The following ZRANB3 variants were observed in gnomAD, a reference collection of about 807,000 sequenced individuals.
ZRANB3 encodes DNA annealing helicase and endonuclease ZRANB3.
In ZRANB3, 125 loss-of-function variants were observed where a neutral mutation model predicts 133.8. The observed-to-expected ratio is 0.93, with a 90% confidence interval of 0.81 to 1.08. The LOEUF (loss-of-function observed/expected upper bound fraction) is 1.08. Ranked by LOEUF, ZRANB3 falls within the 50% of genes least tolerant of loss-of-function variation. The probability of loss-of-function intolerance (pLI) is 0.00; values close to 1 mark genes in which losing one functional copy is unlikely to be tolerated. For missense variants in ZRANB3, 1,229 were observed against 1,275.5 expected (o/e 0.96, Z 0.56); for synonymous variants, 387 against 432.7 (o/e 0.89, Z 1.31).
intron 8 of ZRANB3, among the ~76,000 whole-genome samples, chr2:135,290,729 G>C (rs1176344674): frequency 7.3e-6 from 1 of 136,326 alleles, no homozygotes; most frequent in Non-Finnish European, 1.5e-5. Flanking sequence ...TATGCTTTAA[G>C]GAGGTTCTGT....
At chr2:135,235,201 T>TTC (rs1695231751) in intron 12 of ZRANB3, among the ~76,000 whole-genome samples, 1 of 152,176 alleles carries the variant, frequency 6.6e-6, no homozygotes, top group Non-Finnish European at 1.5e-5. Context: ...AATGGATAAA[T>TTC]TCCTCAACAC....
Position 135,198,038 on chromosome 2 carries a change from T to G in ZRANB3, c.*2304A>C, listed in dbSNP as rs1219149468. ...CTGAGTCTTTTCAGAGCCAGGCCTATCCTTTTACACTCATTGTACCCACCT... is the reference window on the plus strand; with the variant it reads ...CTGAGTCTTTTCAGAGCCAGGCCTAGCCTTTTACACTCATTGTACCCACCT... On this transcript the variant is annotated 3_prime_UTR_variant, in exon 21 of 21. Transcript: ENST00000264159. The G allele has an allele frequency of 6.6e-6, 1 of 152,270 alleles. No individual in the cohort carries two copies. Among genetic ancestry groups the G allele is most frequent in the African/African-American group, 2.4e-5 (1 of 41,458 alleles). The allele number at this position is 152,270 out of a possible 1,614,324, so 9.4% of individuals were successfully genotyped here.
At chr2:135,401,591 C>G (rs1445918642) in intron 2 of ZRANB3, among the ~76,000 whole-genome samples, 1 of 152,172 alleles carries the variant, frequency 6.6e-6, no homozygotes, top group Non-Finnish European at 1.5e-5. Context: ...GTCAACATAA[C>G]TAGGTGGTGA....
At chr2:135,384,872 C>T (rs1248194491) in intron 3 of ZRANB3, among the ~76,000 whole-genome samples, 1 of 152,124 alleles carries the variant, frequency 6.6e-6, no homozygotes, top group East Asian at 1.9e-4. Flanking sequence ...TTATGACAAA[C>T]TCACAGCCAA....
Position 135,353,424 on chromosome 2 carries a change from CTTAAATA to C in ZRANB3, c.359+19_359+25del, listed in dbSNP as rs1389139245. 6.6e-7 allele frequency: 1 copy of C among 1,505,858 alleles called. No individual in the cohort carries two copies. The highest frequency in any genetic ancestry group is 8.9e-7 in the Non-Finnish European group (1 of 1,124,892). The allele number at this position is 1,505,858 out of a possible 1,614,324, so 93.3% of individuals were successfully genotyped here. Reference sequence around the variant, plus strand: ...GGTACACACAAGGAAGACTTTTCTCCTTAAATATTAAACAGTTGTTCTTACCTAACAT... The same window carrying C: ...GGTACACACAAGGAAGACTTTTCTCCTTAAACAGTTGTTCTTACCTAACAT... On this transcript the variant is annotated intron_variant, in intron 4 of 20. Transcript: ENST00000264159.
chr2:135,287,428 T>TGGTTCCA (rs2104789300), intron 8 of ZRANB3, among the ~76,000 whole-genome samples: 1 of 152,300 alleles, frequency 6.6e-6, no homozygotes, highest in East Asian at 1.9e-4. Context: ...CATATGAATT[T>TGGTTCCA]TAGGATTGTT....
At chr2:135,481,738 T>C (rs1299507747) in intron 2 of ZRANB3, among the ~76,000 whole-genome samples, 1 of 151,030 alleles carries the variant, frequency 6.6e-6, no homozygotes, top group Non-Finnish European at 1.5e-5. Context: ...CTAGGGTTTT[T>C]ATGGTTTTAG....
intron 8 of ZRANB3, among the ~76,000 whole-genome samples, chr2:135,301,905 A>G (rs1682451221): frequency 6.6e-6 from 1 of 152,226 alleles, no homozygotes; most frequent in African/African-American, 2.4e-5. Flanking sequence ...CCTCCCTAGC[A>G]CCTTGCCACA....
intron 2 of ZRANB3, among the ~76,000 whole-genome samples, chr2:135,462,862 G>T (rs1197932514): frequency 2.0e-5 from 3 of 152,012 alleles, no homozygotes; most frequent in Admixed American, 6.6e-5. Context: ...CAAAGGGCTG[G>T]GATTACAGGC....
intron 6 of ZRANB3, among the ~76,000 whole-genome samples, chr2:135,333,737 T>C (rs909879958): frequency 6.6e-6 from 1 of 152,208 alleles, no homozygotes; most frequent in African/African-American, 2.4e-5. Context: ...AACAACAGAA[T>C]GTACTGAAAC....
chr2:135,504,990 TAATTA>T lies in ZRANB3; in HGVS notation c.-7-499_-7-495del, dbSNP rs1413626782. 2.0e-4 allele frequency among the ~76,000 whole-genome samples: 30 copies of T among 152,026 alleles called. 1 individual carries two copies. The highest frequency in any genetic ancestry group is 1.1e-3 in the Admixed American group (17 of 15,270). On this transcript the variant is annotated intron_variant, in intron 1 of 20. Coordinates refer to ENST00000264159, the MANE Select transcript of ZRANB3 (RefSeq NM_032143.4). ...ATTAACTCCAAAATCAAATTTATACTAATTAAATTAATGTAATATTATTAAATTGT... is the reference window on the plus strand; with the variant it reads ...ATTAACTCCAAAATCAAATTTATACTAATTAATGTAATATTATTAAATTGT...
At chr2:135,341,443 T>C (rs989187270) in intron 6 of ZRANB3, among the ~76,000 whole-genome samples, 2 of 150,112 alleles carry the variant, frequency 1.3e-5, no homozygotes, top group African/African-American at 5.1e-5. Context: ...AAACTGAGGA[T>C]GCATGTCACG....
chr2:135,238,886 T>G (rs1335449576), intron 12 of ZRANB3: 1 of 152,164 alleles, frequency 6.6e-6, no homozygotes, highest in Non-Finnish European at 1.5e-5. Context: ...GCCAGACATG[T>G]GAGTGAACAA....
At chr2:135,530,032 C>A (rs2104854378) in intron 1 of ZRANB3, among the ~76,000 whole-genome samples, 1 of 151,456 alleles carries the variant, frequency 6.6e-6, no homozygotes, top group Non-Finnish European at 1.5e-5. Context: ...TCGAGACCAT[C>A]CTGGCCAACA....
chr2:135,286,771 A>AT (rs1288600746), intron 8 of ZRANB3, among the ~76,000 whole-genome samples: 1 of 151,262 alleles, frequency 6.6e-6, no homozygotes. Context: ...TATTATTATT[A>AT]TTTTTTTCTT....
chr2:135,412,190 G>GT (rs1688336593), intron 2 of ZRANB3, among the ~76,000 whole-genome samples: 1 of 152,178 alleles, frequency 6.6e-6, no homozygotes, highest in South Asian at 2.1e-4. Flanking sequence ...AAATGCTCAG[G>GT]TTTTTTAGCA....
chr2:135,366,363 T>A (rs1223572433), intron 3 of ZRANB3, among the ~76,000 whole-genome samples: 1 of 151,830 alleles, frequency 6.6e-6, no homozygotes, highest in Non-Finnish European at 1.5e-5. Flanking sequence ...AATCGTTACA[T>A]AAAATGAAAA....
In ZRANB3 at chr2:135,437,602, T is replaced by C. The variant is rs569068548; in HGVS notation, c.162-46782A>G. Among the ~76,000 whole-genome samples the C allele has an allele frequency of 9.2e-5, 14 of 152,346 alleles. No individual in the cohort carries two copies. In the South Asian group the frequency reaches 1.0e-3, roughly 11 times the overall value. On this transcript the variant is annotated intron_variant, in intron 2 of 20. Coordinates refer to ENST00000264159, the MANE Select transcript of ZRANB3 (RefSeq NM_032143.4). ...TTATGATGTGGGCCCTTTCTGCACA[T>C]ATGATATACTTTAGTAAAAAGCTTA...
chr2:135,457,604 T>C (rs1228387758), intron 2 of ZRANB3, among the ~76,000 whole-genome samples: 1 of 152,132 alleles, frequency 6.6e-6, no homozygotes, highest in African/African-American at 2.4e-5. Context: ...ATTTTTTCAT[T>C]GAGTTATCTT....
Sources: gnomAD v4.1 joint callset for allele counts (sites outside exome capture counted in the v4.1 genomes callset) on GRCh38, gnomAD v4.1.1 for gene constraint, MANE v1.5 for transcripts, NCBI Gene and HGNC (gene_info 2026-07-23, HGNC 2026-07-21) for gene names.